The following IL1RAPL2 variants were observed in gnomAD, a reference collection of about 807,000 sequenced individuals.
IL1RAPL2 encodes interleukin 1 receptor accessory protein like 2.
IL1RAPL2 carries 3 observed loss-of-function variants against 44.1 expected under a neutral mutation model. The ratio of observed to expected loss-of-function variants is 0.07; its 90% CI spans 0.03 to 0.18. The LOEUF is 0.18. Among genes scored for constraint, IL1RAPL2 ranks in the 10% least tolerant of loss-of-function variants. The pLI, the probability that IL1RAPL2 is intolerant of heterozygous loss-of-function variation, is 1.00. For synonymous variants in IL1RAPL2, 181 were observed against 178.8 expected (o/e 1.01, Z -0.10); for missense variants, 391 against 496.4 (o/e 0.79, Z 2.02).
At chrX:105,118,420 T>C (rs145536564) in intron 2 of IL1RAPL2, among the ~76,000 whole-genome samples, 9,655 of 111,893 alleles carry the variant, frequency 0.086, 1,029 homozygotes, top group African/African-American at 0.3. Flanking sequence ...CAGCTGGTAA[T>C]GCCAAGTGAG....
intron 2 of IL1RAPL2, among the ~76,000 whole-genome samples, chrX:105,189,823 C>T (rs1470901837): frequency 9.0e-6 from 1 of 111,542 alleles, no homozygotes; most frequent in Non-Finnish European, 1.9e-5. Flanking sequence ...GAGGCATGAA[C>T]TCTGTGGAAT....
chrX:105,568,806 A>T (rs2036993879), intron 6 of IL1RAPL2, among the ~76,000 whole-genome samples: 1 of 111,764 alleles, frequency 8.9e-6, no homozygotes, highest in Non-Finnish European at 1.9e-5. Flanking sequence ...CCATTACCGG[A>T]TTATGTGGAA....
At chrX:104,848,347 A>T (rs1922114230) in intron 2 of IL1RAPL2, among the ~76,000 whole-genome samples, 1 of 102,961 alleles carries the variant, frequency 9.7e-6, no homozygotes, top group African/African-American at 3.5e-5. Context: ...TAGTCATCTT[A>T]TTTTAGGACA....
chrX:104,786,968 TC>T (rs1932802418), intron 2 of IL1RAPL2, among the ~76,000 whole-genome samples: 2 of 75,155 alleles, frequency 2.7e-5, no homozygotes, highest in Non-Finnish European at 5.4e-5. Context: ...TCTCTCTCTC[TC>T]TCTCTCTCTC....
chrX:104,732,801 A>G (rs1205422309), intron 2 of IL1RAPL2, among the ~76,000 whole-genome samples: 2 of 111,820 alleles, frequency 1.8e-5, no homozygotes, highest in Non-Finnish European at 3.8e-5. Context: ...CTTTTTACCC[A>G]AACAAGATAG....
chrX:105,353,313 A>G (rs1443793863), intron 5 of IL1RAPL2, among the ~76,000 whole-genome samples: 6 of 111,506 alleles, frequency 5.4e-5, no homozygotes, highest in African/African-American at 2.0e-4. Context: ...TACCAGTACC[A>G]TGCTGTTTTG....
At chrX:104,839,436 GACT>G (rs1569324074) in intron 2 of IL1RAPL2, among the ~76,000 whole-genome samples, 2 of 111,825 alleles carry the variant, frequency 1.8e-5, no homozygotes, top group Non-Finnish European at 3.8e-5. Context: ...GGATGAAGTT[GACT>G]TGATTGTGGT....
At chrX:105,079,078 G>A (rs771068361) in intron 2 of IL1RAPL2, among the ~76,000 whole-genome samples, 4 of 112,118 alleles carry the variant, frequency 3.6e-5, no homozygotes, top group East Asian at 2.9e-4. Context: ...AGATGAACGC[G>A]GTACCTCAGT....
chrX:105,413,336 T>C (rs192905251), intron 5 of IL1RAPL2, among the ~76,000 whole-genome samples: 1 of 111,483 alleles, frequency 9.0e-6, no homozygotes, highest in African/African-American at 3.3e-5. Flanking sequence ...TTAGCTGACC[T>C]TGAGATAGGG....
At chrX:105,470,966 G>C (rs187431951) in intron 5 of IL1RAPL2, among the ~76,000 whole-genome samples, 1 of 111,181 alleles carries the variant, frequency 9.0e-6, no homozygotes, top group Admixed American at 9.6e-5. Context: ...TATTAGGTTG[G>C]TGCGAAAGTT....
chrX:105,376,426 A>C (rs2035387660), intron 5 of IL1RAPL2, among the ~76,000 whole-genome samples: 1 of 111,818 alleles, frequency 8.9e-6, no homozygotes, highest in Non-Finnish European at 1.9e-5. Flanking sequence ...CCTATTTTTT[A>C]ATACTTACTG....
chrX:105,661,197 A>G (rs1361660498), intron 6 of IL1RAPL2, among the ~76,000 whole-genome samples: 2 of 112,251 alleles, frequency 1.8e-5, no homozygotes, highest in Non-Finnish European at 3.8e-5. Flanking sequence ...AGATCATTAT[A>G]TAATGATAAA....
intron 3 of IL1RAPL2, chrX:105,219,010 G>T: frequency 8.3e-7 from 1 of 1,211,350 alleles, no homozygotes; most frequent in Non-Finnish European, 1.1e-6. Flanking sequence ...GTCGAAGCAA[G>T]TATCCCTCCG....
chrX:104,919,891 G>A (rs182489513), intron 2 of IL1RAPL2, among the ~76,000 whole-genome samples: 2 of 110,245 alleles, frequency 1.8e-5, no homozygotes, highest in East Asian at 5.8e-4. Flanking sequence ...TTCTGTTTGG[G>A]CTCAGACTGA....
intron 6 of IL1RAPL2, among the ~76,000 whole-genome samples, chrX:105,581,327 A>T (rs190202685): frequency 4.8e-4 from 54 of 112,244 alleles, no homozygotes; most frequent in Non-Finnish European, 8.6e-4. Context: ...AGAAGAAATT[A>T]AAAATTACCT....
At chrX:105,066,047 C>G (rs2032133845) in intron 2 of IL1RAPL2, among the ~76,000 whole-genome samples, 2 of 111,283 alleles carry the variant, frequency 1.8e-5, no homozygotes, top group African/African-American at 6.5e-5. Flanking sequence ...GGGAGACGGG[C>G]TATAGCTGAA....
chrX:105,408,075 A>G (rs2035662382), intron 5 of IL1RAPL2, among the ~76,000 whole-genome samples: 1 of 112,059 alleles, frequency 8.9e-6, no homozygotes, highest in Non-Finnish European at 1.9e-5. Context: ...CTAAAAGGCA[A>G]TGTAATATAA....
chrX:105,497,851 A>G (rs1248684094), intron 6 of IL1RAPL2, among the ~76,000 whole-genome samples: 1 of 112,344 alleles, frequency 8.9e-6, no homozygotes, highest in East Asian at 2.8e-4. Context: ...ATCTCAATAG[A>G]TACATACAAA....
At chrX:105,237,188 A>G (rs2034127570) in intron 4 of IL1RAPL2, among the ~76,000 whole-genome samples, 1 of 112,065 alleles carries the variant, frequency 8.9e-6, no homozygotes, top group Admixed American at 9.5e-5. Flanking sequence ...ATCATTTTTT[A>G]TGGCTGCATA....
Sources: gnomAD v4.1 joint callset for allele counts (sites outside exome capture counted in the v4.1 genomes callset) on GRCh38, gnomAD v4.1.1 for gene constraint, MANE v1.5 for transcripts, NCBI Gene and HGNC (gene_info 2026-07-23, HGNC 2026-07-21) for gene names.